IRAK3: variants seen among roughly 807,000 people sequenced by gnomAD.
IRAK3 encodes the protein interleukin-1 receptor-associated kinase 3.
Under a neutral mutation model 56.6 loss-of-function variants are expected in IRAK3, and 57 were observed. The ratio of observed to expected loss-of-function variants is 1.01; its 90% CI spans 0.81 to 1.26. The LOEUF (loss-of-function observed/expected upper bound fraction) is 1.26, where lower values mean the gene tolerates loss of function less well. IRAK3 is among the 50% of genes most tolerant of loss of function. The probability of loss-of-function intolerance (pLI) is 0.00; values close to 1 mark genes in which losing one functional copy is unlikely to be tolerated. For missense variants in IRAK3, 703 were observed against 719.0 expected (o/e 0.98, Z 0.25); for synonymous variants, 258 against 255.7 (o/e 1.01, Z -0.09).
intron 6 of IRAK3, among the ~76,000 whole-genome samples, chr12:66,222,929 C>T (rs1013411660): frequency 5.9e-5 from 9 of 151,432 alleles, no homozygotes; most frequent in Non-Finnish European, 1.0e-4. Context: ...GGGCTGAGTC[C>T]GAAAAGAGAG....
At position 66,248,046 on chromosome 12, in the gene IRAK3, C is replaced by T; in HGVS notation, c.1666C>T (p.Pro556Ser). 1 of 1,584,594 alleles carries T rather than the reference C, an allele frequency of 6.3e-7. No homozygotes were observed. The highest frequency in any genetic ancestry group is 8.6e-7 in the Non-Finnish European group (1 of 1,168,122). The change falls in exon 12 of 12, where the codon CCC becomes TCC. Residue 556 changes from proline (P) to serine (S), a missense_variant. By Grantham distance (74) the Pro-to-Ser change is moderately conservative. Transcript: ENST00000261233. ...KYIVPSQDLR[P>S]YKVNIDPSSE... ...TATAGTTCCATCCCAGGACTTAAGG[C>T]CCTATAAGGTAAATATAGATCCTTC...
At chr12:66,198,819 A>T (rs946805863) in intron 1 of IRAK3, among the ~76,000 whole-genome samples, 6 of 149,384 alleles carry the variant, frequency 4.0e-5, no homozygotes, top group Admixed American at 1.3e-4. Context: ...GCAGTGGTGC[A>T]ATCTTGGCTC....
chr12:66,220,150 T>C (rs1473341167), intron 6 of IRAK3, among the ~76,000 whole-genome samples: 5 of 152,226 alleles, frequency 3.3e-5, no homozygotes, highest in Non-Finnish European at 5.9e-5. Context: ...AAATTTTCCC[T>C]ATGTTTTCTT....
intron 2 of IRAK3, among the ~76,000 whole-genome samples, chr12:66,205,590 C>T (rs2052551179): frequency 6.6e-6 from 1 of 152,184 alleles, no homozygotes; most frequent in Non-Finnish European, 1.5e-5. Context: ...CATAGCTACT[C>T]ATTAAATTAG....
Position 66,221,418 on chromosome 12 carries a change from G to A in IRAK3, c.653+4183G>A, listed in dbSNP as rs142554055. ...TATCTTGAATAGAAATGGAAAGGGT[G>A]GGCACACTTATCTTTTTCCTGAACT... On this transcript the variant is annotated intron_variant, in intron 6 of 11. Coordinates refer to ENST00000261233, the MANE Select transcript of IRAK3 (RefSeq NM_007199.3). 3.2e-3 allele frequency among the ~76,000 whole-genome samples: 484 copies of A among 152,220 alleles called. 8 individuals carry two copies. The highest frequency in any genetic ancestry group is 0.011 in the African/African-American group (442 of 41,558).
intron 8 of IRAK3, among the ~76,000 whole-genome samples, chr12:66,229,269 A>G (rs935535414): frequency 2.4e-4 from 36 of 152,180 alleles, no homozygotes; most frequent in African/African-American, 8.7e-4. Flanking sequence ...AACATCTCCC[A>G]CATTTCTTCT....
chr12:66,243,065 TC>T (rs2052987672), intron 8 of IRAK3, among the ~76,000 whole-genome samples: 1 of 149,816 alleles, frequency 6.7e-6, no homozygotes, highest in African/African-American at 2.5e-5. Flanking sequence ...AAACTTTGTC[TC>T]GAAAAAAAAA....
Position 66,252,079 on chromosome 12 carries a change from T to C in IRAK3, c.*3908T>C, listed in dbSNP as rs1340246045. On this transcript the variant is annotated 3_prime_UTR_variant, in exon 12 of 12. Coordinates refer to ENST00000261233, the MANE Select transcript of IRAK3 (RefSeq NM_007199.3). ...CAAGGAATTGGGGATCCACAGCAGC[T>C]GTGCACAACCATCCCTAATGCCAGA... 6.6e-6 allele frequency: 1 copy of C among 152,224 alleles called. No individual in the cohort carries two copies. The highest frequency in any genetic ancestry group is 1.5e-5 in the Non-Finnish European group (1 of 68,044). 9.4% of individuals were successfully genotyped at this position (152,224 alleles called of 1,614,324 possible).
chr12:66,202,219 T>C (rs1037279591), intron 1 of IRAK3, among the ~76,000 whole-genome samples: 1 of 152,108 alleles, frequency 6.6e-6, no homozygotes, highest in African/African-American at 2.4e-5. Context: ...GATAGAGGAA[T>C]AGAGATCCAC....
chr12:66,195,119 C>G (rs536303219), intron 1 of IRAK3, among the ~76,000 whole-genome samples: 2 of 152,336 alleles, frequency 1.3e-5, no homozygotes, highest in African/African-American at 4.8e-5. Flanking sequence ...AATGGCAGTT[C>G]CATTCTTCAT....
intron 7 of IRAK3, among the ~76,000 whole-genome samples, chr12:66,227,237 G>T (rs140815037): frequency 6.6e-6 from 1 of 152,116 alleles, no homozygotes; most frequent in Non-Finnish European, 1.5e-5. Flanking sequence ...CCATAGCAGT[G>T]ACACAGACTC....
At chr12:66,235,224 T>TG in intron 8 of IRAK3, 2 of 1,610,428 alleles carry the variant, frequency 1.2e-6, no homozygotes, top group Non-Finnish European at 1.7e-6. Context: ...GACTGCTGCT[T>TG]GCGATAGGGC....
chr12:66,189,528 G>C, intron 1 of IRAK3, 96 bp downstream of exon 1: 1 of 873,880 alleles, frequency 1.1e-6, no homozygotes, highest in East Asian at 7.6e-5. Flanking sequence ...CCCTCGCGGG[G>C]CTGGCGCGGC....
At chr12:66,200,387 C>A (rs912279316) in intron 1 of IRAK3, among the ~76,000 whole-genome samples, 9 of 152,166 alleles carry the variant, frequency 5.9e-5, no homozygotes, top group African/African-American at 2.2e-4. Flanking sequence ...AGGCAGCCCC[C>A]TGTCAACTTG....
intron 9 of IRAK3, 36 bp downstream of exon 9, chr12:66,244,720 A>G: frequency 3.3e-6 from 5 of 1,537,884 alleles, no homozygotes; most frequent in East Asian, 2.2e-5. Flanking sequence ...AGGAGAGTTT[A>G]TTGCCAAGAA....
intron 8 of IRAK3, chr12:66,234,546 C>A: frequency 1.2e-6 from 2 of 1,611,596 alleles, no homozygotes; most frequent in African/African-American, 1.3e-5. Context: ...GTAAGTCTCA[C>A]CTCTCCTTCT....
intron 1 of IRAK3, among the ~76,000 whole-genome samples, chr12:66,192,357 G>A (rs1398890403): frequency 6.6e-6 from 1 of 151,846 alleles, no homozygotes; most frequent in African/African-American, 2.4e-5. Flanking sequence ...ATGACTTTAT[G>A]GCTTTTAGTG....
intron 8 of IRAK3, chr12:66,235,082 G>T: frequency 6.2e-7 from 1 of 1,613,438 alleles, no homozygotes. Flanking sequence ...GGTGGTGTGG[G>T]GAGGCAGTCC....
rs1490213112 is a variant in IRAK3 at position 66,189,309 on chromosome 12, A to T, written c.10A>T (p.Asn4Tyr). Residue 4 changes from asparagine (N) to tyrosine (Y), a missense_variant, in exon 1 of 12, where the codon AAC becomes TAC. Asn to Tyr is a moderately radical substitution (Grantham distance 143). Coordinates refer to ENST00000261233, the MANE Select transcript of IRAK3 (RefSeq NM_007199.3). MAG[N>Y]CGARGALSAH... The stretch of plus-strand genomic sequence containing the variant: ...CTCGGGCAGCCGAGCCATGGCGGGG[A>T]ACTGTGGGGCCCGCGGCGCGCTGTC... 6.5e-7 allele frequency: 1 copy of T among 1,534,826 alleles called. No homozygotes were observed. Among genetic ancestry groups the T allele is most frequent in the Non-Finnish European group, 8.7e-7 (1 of 1,147,104 alleles).
Sources: gnomAD v4.1 joint callset for allele counts (sites outside exome capture counted in the v4.1 genomes callset) on GRCh38, gnomAD v4.1.1 for gene constraint, MANE v1.5 for transcripts, NCBI Gene and HGNC (gene_info 2026-07-23, HGNC 2026-07-21) for gene names.